The following GALNTL6 variants were observed in gnomAD, a reference collection of about 807,000 sequenced individuals.
GALNTL6 encodes polypeptide N-acetylgalactosaminyltransferase like 6.
A neutral mutation model predicts 73.7 loss-of-function variants in GALNTL6; 46 were observed. That is an observed-to-expected ratio of 0.62 (90% CI 0.49 to 0.80). GALNTL6 has a LOEUF of 0.80. GALNTL6 is among the 30% of genes least tolerant of loss of function. GALNTL6 has a pLI of 0.00. For synonymous variants in GALNTL6, 259 were observed against 263.7 expected, an observed-to-expected ratio of 0.98 and a Z score of 0.17; for missense variants, 604 against 755.0, an observed-to-expected ratio of 0.80 and a Z score of 2.34.
intron 7 of GALNTL6, among the ~76,000 whole-genome samples, chr4:172,827,414 A>G (rs566014303): frequency 6.6e-6 from 1 of 152,270 alleles, no homozygotes; most frequent in Non-Finnish European, 1.5e-5. Context: ...CACTCATTCT[A>G]TTATAATGAG....
rs1385598530 is a variant in GALNTL6, at chr4:172,620,548, G to A, written c.554-188813G>A. Among the ~76,000 whole-genome samples the A allele has an allele frequency of 4.6e-5, 7 of 152,152 alleles. No homozygotes were observed. The South Asian group carries it at 6.2e-4, about 14-fold the overall frequency. On this transcript the variant is annotated intron_variant, in intron 5 of 12. Coordinates refer to ENST00000506823, the MANE Select transcript of GALNTL6 (RefSeq NM_001034845.3). ...AAATACACTCTTATATACAAACACC[G>A]TCTTGCAAGCACCGAAGACAGAATT...
intron 5 of GALNTL6, among the ~76,000 whole-genome samples, chr4:172,747,264 A>G (rs1254543602): frequency 6.6e-6 from 1 of 152,116 alleles, no homozygotes; most frequent in Admixed American, 6.5e-5. Flanking sequence ...CAAATCATAT[A>G]TTGGATAAGG....
chr4:172,854,602 A>G (rs1744027212), intron 7 of GALNTL6, among the ~76,000 whole-genome samples: 1 of 152,110 alleles, frequency 6.6e-6, no homozygotes, highest in Non-Finnish European at 1.5e-5. Context: ...ATCTCCCAAA[A>G]GTCACTCCTT....
chr4:172,646,462 G>T (rs1201967344), intron 5 of GALNTL6, among the ~76,000 whole-genome samples: 1 of 151,942 alleles, frequency 6.6e-6, no homozygotes, highest in Non-Finnish European at 1.5e-5. Flanking sequence ...TAAAAATATT[G>T]TGAATGTTGT....
chr4:172,600,500 G>C (rs1203405488), intron 5 of GALNTL6, among the ~76,000 whole-genome samples: 1 of 152,106 alleles, frequency 6.6e-6, no homozygotes, highest in Non-Finnish European at 1.5e-5. Context: ...TAGAATACTG[G>C]AGAGGAGGTA....
chr4:172,196,047 C>A (rs1735756832), intron 2 of GALNTL6, among the ~76,000 whole-genome samples: 2 of 135,564 alleles, frequency 1.5e-5, no homozygotes, highest in Admixed American at 7.4e-5. Context: ...AGACCACTAG[C>A]TAGACTAGTA....
At chr4:172,123,847 T>C (rs1733220483) in intron 2 of GALNTL6, among the ~76,000 whole-genome samples, 1 of 152,194 alleles carries the variant, frequency 6.6e-6, no homozygotes, top group East Asian at 1.9e-4. Flanking sequence ...TAATTAATTT[T>C]TGTTCAGCTT....
At chr4:172,126,683 C>G (rs1733304607) in intron 2 of GALNTL6, among the ~76,000 whole-genome samples, 1 of 152,156 alleles carries the variant, frequency 6.6e-6, no homozygotes, top group South Asian at 2.1e-4. Context: ...TAGGAGGCTG[C>G]TTGGAGACCA....
At chr4:172,062,843 C>T (rs1731251659) in intron 2 of GALNTL6, among the ~76,000 whole-genome samples, 1 of 152,200 alleles carries the variant, frequency 6.6e-6, no homozygotes, top group Non-Finnish European at 1.5e-5. Flanking sequence ...CTATGAGTAA[C>T]CCTTCCCTGC....
chr4:172,430,845 G>A (rs1731423532), intron 5 of GALNTL6, among the ~76,000 whole-genome samples: 1 of 151,706 alleles, frequency 6.6e-6, no homozygotes, highest in Admixed American at 6.6e-5. Flanking sequence ...AAAAGAATAG[G>A]GAAAATTATT....
At chr4:172,502,708 A>T (rs1396545805) in intron 5 of GALNTL6, among the ~76,000 whole-genome samples, 1 of 152,244 alleles carries the variant, frequency 6.6e-6, no homozygotes, top group Non-Finnish European at 1.5e-5. Context: ...TAAAGACATA[A>T]AGAAGTATTG....
At chr4:172,811,187 A>G (rs1307467201) in intron 6 of GALNTL6, among the ~76,000 whole-genome samples, 1 of 152,194 alleles carries the variant, frequency 6.6e-6, no homozygotes, top group Admixed American at 6.5e-5. Context: ...CCTTGGGATT[A>G]TACCTGAATT....
chr4:172,459,297 C>T (rs1732522685), intron 5 of GALNTL6, among the ~76,000 whole-genome samples: 1 of 152,174 alleles, frequency 6.6e-6, no homozygotes, highest in Non-Finnish European at 1.5e-5. Context: ...CCTTTGAAAA[C>T]CAGCACAAGA....
intron 2 of GALNTL6, among the ~76,000 whole-genome samples, chr4:172,043,381 G>C (rs1372051393): frequency 1.3e-5 from 2 of 151,978 alleles, no homozygotes; most frequent in Non-Finnish European, 2.9e-5. Context: ...ATTAAAGGTA[G>C]GGAAAACTGA....
At chr4:172,371,188 C>T (rs1195060418) in intron 5 of GALNTL6, among the ~76,000 whole-genome samples, 1 of 152,180 alleles carries the variant, frequency 6.6e-6, no homozygotes, top group East Asian at 1.9e-4. Context: ...TTACTGAATA[C>T]CCATTGTGTC....
chr4:172,499,247 G>A (rs1434809034), intron 5 of GALNTL6, among the ~76,000 whole-genome samples: 1 of 152,138 alleles, frequency 6.6e-6, no homozygotes, highest in African/African-American at 2.4e-5. Flanking sequence ...CTTTGGGGAG[G>A]TAATTCAGTC....
intron 2 of GALNTL6, among the ~76,000 whole-genome samples, chr4:171,856,904 G>A (rs907211198): frequency 6.6e-6 from 1 of 152,036 alleles, no homozygotes; most frequent in Non-Finnish European, 1.5e-5. Context: ...CTTCAATATT[G>A]TCATATTCTT....
At chr4:171,841,752 G>GA (rs1735244298) in intron 2 of GALNTL6, among the ~76,000 whole-genome samples, 4 of 151,660 alleles carry the variant, frequency 2.6e-5, no homozygotes, top group South Asian at 2.1e-4. Context: ...GTTAATTCCA[G>GA]AAAAAAACCT....
intron 2 of GALNTL6, among the ~76,000 whole-genome samples, chr4:171,872,104 A>G (rs1415203784): frequency 6.6e-6 from 1 of 152,154 alleles, no homozygotes; most frequent in Non-Finnish European, 1.5e-5. Context: ...TTTGCTAAAT[A>G]TATTTAAATG....
Sources: allele counts gnomAD v4.1 joint callset (sites outside exome capture counted in the v4.1 genomes callset), GRCh38; gene constraint gnomAD v4.1.1; transcripts MANE v1.5; gene names NCBI Gene and HGNC (gene_info 2026-07-23, HGNC 2026-07-21).